Variants in AGMAT observed in about 807,000 individuals in gnomAD.
The protein encoded by AGMAT is agmatinase (putative).
AGMAT carries 37 observed loss-of-function variants against 29.3 expected under a neutral mutation model. The observed-to-expected ratio is 1.26, with a 90% CI of 0.97 to 1.66. The LOEUF (loss-of-function observed/expected upper bound fraction) is 1.66. Ranked by LOEUF, AGMAT falls within the 40% of genes most tolerant of loss-of-function variation. The probability of loss-of-function intolerance (pLI) is 0.00; values close to 1 mark genes in which losing one functional copy is unlikely to be tolerated. For synonymous variants in AGMAT, 199 were observed against 200.8 expected, an observed-to-expected ratio of 0.99 and a Z score of 0.08; for missense variants, 498 against 497.8, an observed-to-expected ratio of 1.00 and a Z score of 0.00.
At chr1:15,583,456 G>C (rs1639143900) in intron 1 of AGMAT, 61 bp from the exon 2 acceptor site, 1 of 1,510,412 alleles carries the variant, frequency 6.6e-7, no homozygotes, top group African/African-American at 1.4e-5. Flanking sequence ...CTTTGCTTAG[G>C]CCAGGGCTTC....
At chr1:15,582,350 T>C (rs554765568) in intron 2 of AGMAT, among the ~76,000 whole-genome samples, 6 of 152,034 alleles carry the variant, frequency 3.9e-5, no homozygotes, top group African/African-American at 1.4e-4. Context: ...CCTCACATCA[T>C]GCAGTGAGTA....
Position 15,584,846 on chromosome 1 carries a change from C to T in AGMAT, c.122G>A (p.Arg41Gln), listed in dbSNP as rs747148761. The T allele has an allele frequency of 4.2e-6, 6 of 1,427,502 alleles. No homozygotes were observed. Among genetic ancestry groups the T allele is most frequent in the East Asian group, 5.7e-5 (2 of 35,036 alleles). The allele number at this position is 1,427,502 out of a possible 1,614,324, so 88.4% of individuals were successfully genotyped here. A position where few individuals can be genotyped will look rare whatever the true frequency, so the allele number is the denominator to read the frequency against. ...RQSRQASDAP[R>Q]NQPPSPEFVA... ...GAACTCGGGGCTGGGGGGCTGGTTC[C>T]GGGGCGCGTCGGAAGCCTGGCGGCT... The change falls in exon 1 of 7, where the codon CGG becomes CAG. Residue 41 changes from arginine (R) to glutamine (Q), a missense_variant. Coordinates refer to ENST00000375826, the MANE Select transcript of AGMAT (RefSeq NM_024758.5).
chr1:15,582,790 G>A (rs189239179), intron 2 of AGMAT, among the ~76,000 whole-genome samples: 15 of 152,272 alleles, frequency 9.9e-5, no homozygotes, highest in Middle Eastern at 3.4e-3. Flanking sequence ...TTGAGGTCAG[G>A]AGTTCAAGAC....
Position 15,579,186 on chromosome 1 carries a change from C to T in AGMAT, c.525-132G>A, listed in dbSNP as rs571208737. ...GACCTGGCATCCGTTTTCTGCCTTGCAACTGGTTCCTGTCTTCTTGAGATC... is the reference window on the plus strand; with the variant it reads ...GACCTGGCATCCGTTTTCTGCCTTGTAACTGGTTCCTGTCTTCTTGAGATC... On this transcript the variant is annotated intron_variant, in intron 3 of 6. Coordinates refer to ENST00000375826, the MANE Select transcript of AGMAT (RefSeq NM_024758.5). 4.0e-5 allele frequency: 31 copies of T among 766,694 alleles called. No homozygotes were observed. In the African/African-American group the frequency reaches 4.4e-4, roughly 11 times the overall value. The allele number at this position is 766,694 out of a possible 1,614,324, so 47.5% of individuals were successfully genotyped here.
chr1:15,581,628 A>T (rs1010966102), intron 2 of AGMAT, among the ~76,000 whole-genome samples: 3 of 89,518 alleles, frequency 3.4e-5, no homozygotes, highest in Non-Finnish European at 6.5e-5. Context: ...TAATCCCAGC[A>T]TTTTGGGAAG....
Position 15,573,645 on chromosome 1 carries a change from C to T in AGMAT, c.*6G>A. 6.2e-7 allele frequency: 1 copy of T among 1,614,098 alleles called. No individual in the cohort carries two copies. On this transcript the variant is annotated 3_prime_UTR_variant, in exon 7 of 7. Coordinates refer to ENST00000375826, the MANE Select transcript of AGMAT (RefSeq NM_024758.5). ...GCAATCTGTTTTGTCTTGAAGAGCA[C>T]AAGACTCAGACGGTTGTCACTTTGG...
Position 15,572,209 on chromosome 1 carries a change from T to TTTTAG in AGMAT, c.*1441_*1442insCTAAA. On this transcript the variant is annotated 3_prime_UTR_variant, in exon 7 of 7. Transcript: ENST00000375826. ...CAGTTTTGTTTTGTTTTCTGGGGTT[T>TTTTAG]TTTTGTTTTGTTTTGTTTTGTTTTG... The TTTTAG allele has an allele frequency of 6.6e-6, 1 of 151,298 alleles. No individual in the cohort carries two copies. The highest frequency in any genetic ancestry group is 1.9e-4 in the East Asian group (1 of 5,196). 9.4% of individuals were successfully genotyped at this position (151,298 alleles called of 1,614,324 possible).
chr1:15,583,143 G>T, intron 2 of AGMAT, 50 bp downstream of exon 2: 1 of 1,568,286 alleles, frequency 6.4e-7, no homozygotes, highest in Non-Finnish European at 8.7e-7. Flanking sequence ...TACAGGATAA[G>T]TAAACCCTGA....
In AGMAT at chr1:15,584,906, G is replaced by A. The variant is rs1286226584; in HGVS notation, c.62C>T (p.Pro21Leu). The A allele has an allele frequency of 2.9e-6, 4 of 1,390,630 alleles. No individual in the cohort carries two copies. In the Admixed American group the frequency reaches 1.4e-4, roughly 49 times the overall value. 86.1% of individuals were successfully genotyped at this position (1,390,630 alleles called of 1,614,324 possible). A position where few individuals can be genotyped will look rare whatever the true frequency, so the allele number is the denominator to read the frequency against. ...CCCCGGATGAAAGAGCCCTGCGGCA[G>A]GACGCGCGCCCACGCCGGGCCCCGG... ...RGPGPGVGAR[P>L]AAGLFHPGRR... The change falls in exon 1 of 7, where the codon CCT (proline) becomes CTT (leucine). Residue 21 changes from proline to leucine, a missense_variant. By Grantham distance (98) the Pro-to-Leu change is moderately conservative. Transcript: ENST00000375826.
At position 15,584,925 on chromosome 1, in the gene AGMAT, GC is replaced by G. The variant is rs1182242199; in HGVS notation, c.42del (p.Gly16AlafsTer44). The part of the protein sequence containing the change: ...LLASGCARGP[G>X]PGVGARPAAG... ...GCGGCAGGACGCGCGCCCACGCCGG[GC>G]CCCGGGCCCCGGGCGCACCCGGACG... On this transcript the variant is annotated frameshift_variant, in exon 1 of 7. Transcript: ENST00000375826. LOFTEE classifies it high-confidence loss of function. 5 of 1,369,824 alleles carry G rather than the reference GC, an allele frequency of 3.7e-6. No homozygotes were observed. Among genetic ancestry groups the G allele is most frequent in the South Asian group, 3.5e-5 (2 of 57,338 alleles). 84.9% of individuals were successfully genotyped at this position (1,369,824 alleles called of 1,614,324 possible).
chr1:15,581,759 C>T (rs1185462531), intron 2 of AGMAT, among the ~76,000 whole-genome samples: 1 of 151,892 alleles, frequency 6.6e-6, no homozygotes, highest in Non-Finnish European at 1.5e-5. Flanking sequence ...CCTGTAATCC[C>T]AGCTATTCAG....
Position 15,584,721 on chromosome 1 carries a change from C to T in AGMAT, c.247G>A (p.Gly83Arg). ...CTCGCCCCAGGCCGGTTGGAGGTCC[C>T]AGTATCCAGGGGCACCCCGATGAAG... Reference protein sequence around the residue: ...AAFIGVPLDTGTSNRPGARFG... With the variant: ...AAFIGVPLDTRTSNRPGARFG... Residue 83 changes from glycine (G) to arginine (R), a missense_variant, in exon 1 of 7, where the codon GGG becomes AGG. Physicochemically the swap from Gly to Arg is moderately radical, Grantham distance 125. Coordinates refer to ENST00000375826, the MANE Select transcript of AGMAT (RefSeq NM_024758.5). 2.2e-6 allele frequency: 3 copies of T among 1,336,792 alleles called. No homozygotes were observed. Among genetic ancestry groups the T allele is most frequent in the Non-Finnish European group, 2.9e-6 (3 of 1,038,264 alleles). The allele number at this position is 1,336,792 out of a possible 1,614,324, so 82.8% of individuals were successfully genotyped here.
Position 15,577,767 on chromosome 1 carries a change from A to G in AGMAT, c.818T>C (p.Ile273Thr). Residue 273 changes from isoleucine to threonine, a missense_variant, in exon 5 of 7, where the codon ATC (isoleucine) becomes ACC (threonine). Physicochemically the swap from Ile to Thr is moderately conservative, Grantham distance 89 (BLOSUM62 -1). Coordinates refer to ENST00000375826, the MANE Select transcript of AGMAT (RefSeq NM_024758.5). ...ATCCAGAGCGTCAATATCAAAGCTGATATAAATGGGTTTGCCTCCCATCTG... is the reference window on the plus strand; with the variant it reads ...ATCCAGAGCGTCAATATCAAAGCTGGTATAAATGGGTTTGCCTCCCATCTG... Reference protein sequence around the residue: ...RQQMGGKPIYISFDIDALDPA... With the variant: ...RQQMGGKPIYTSFDIDALDPA... 6.2e-7 allele frequency: 1 copy of G among 1,614,186 alleles called. No individual in the cohort carries two copies. Among genetic ancestry groups the G allele is most frequent in the Non-Finnish European group, 8.5e-7 (1 of 1,180,034 alleles).
At chr1:15,577,351 G>C (rs1210365100) in intron 5 of AGMAT, among the ~76,000 whole-genome samples, 1 of 152,008 alleles carries the variant, frequency 6.6e-6, no homozygotes, top group Admixed American at 6.6e-5. Context: ...GAGGTGAGTG[G>C]ATCACGAGAT....
intron 2 of AGMAT, among the ~76,000 whole-genome samples, chr1:15,581,780 CAGGA>C (rs1639118336): frequency 6.6e-6 from 1 of 151,656 alleles, no homozygotes; most frequent in African/African-American, 2.4e-5. Context: ...GAGGCTGAGG[CAGGA>C]GAATCACTTG....
At chr1:15,580,458 G>C (rs1376556795) in intron 2 of AGMAT, among the ~76,000 whole-genome samples, 1 of 151,678 alleles carries the variant, frequency 6.6e-6, no homozygotes, top group African/African-American at 2.4e-5. Flanking sequence ...ACTCGCCTTG[G>C]CCTCCCAAAG....
In AGMAT at chr1:15,574,334, T is replaced by C. The variant is rs374293801; in HGVS notation, c.985+423A>G. Among the ~76,000 whole-genome samples the C allele has an allele frequency of 5.3e-5, 8 of 152,080 alleles. No individual in the cohort carries two copies. In the East Asian group the frequency reaches 7.7e-4, roughly 15 times the overall value. ...AGTAATAGGTGTGTTTTCTTCACCA[T>C]TGGACATGCTCAGCTGCTTCCCCAA... On this transcript the variant is annotated intron_variant, in intron 6 of 6. Transcript: ENST00000375826.
chr1:15,583,501 G>T, intron 1 of AGMAT, 106 bp from the exon 2 acceptor site: 2 of 1,092,266 alleles, frequency 1.8e-6, no homozygotes, highest in Non-Finnish European at 2.6e-6. Context: ...ATGATTCCGT[G>T]TCGCGGCATT....
chr1:15,577,645 G>C lies in AGMAT; in HGVS notation c.900+40C>G, dbSNP rs1570941074. The C allele has an allele frequency of 1.9e-6, 3 of 1,563,046 alleles. No individual in the cohort carries two copies. In the East Asian group the frequency reaches 6.8e-5, roughly 35 times the overall value. On this transcript the variant is annotated intron_variant, in intron 5 of 6. Transcript: ENST00000375826. ...AGTCCCAGGAAAATGGGTGTTAAGTGTCTCCACCCCCAGGATCTTCACTGG... is the reference window on the plus strand; with the variant it reads ...AGTCCCAGGAAAATGGGTGTTAAGTCTCTCCACCCCCAGGATCTTCACTGG...
Sources: allele counts gnomAD v4.1 joint callset (sites outside exome capture counted in the v4.1 genomes callset), GRCh38; gene constraint gnomAD v4.1.1; transcripts MANE v1.5; gene names NCBI Gene and HGNC (gene_info 2026-07-23, HGNC 2026-07-21).